Variants in ALG13 observed in about 807,000 individuals in gnomAD.
ALG13 encodes the protein UDP-N-acetylglucosamine transferase subunit ALG13.
A neutral mutation model predicts 87.8 loss-of-function variants in ALG13; 11 were observed. The ratio of observed to expected loss-of-function variants is 0.13; its 90% CI spans 0.08 to 0.21. The LOEUF is 0.21. ALG13 is among the 10% of genes least tolerant of loss of function. The pLI, the probability that ALG13 is intolerant of heterozygous loss-of-function variation, is 1.00. For missense variants in ALG13, 756 were observed against 866.1 expected, an observed-to-expected ratio of 0.87 and a Z score of 1.60; for synonymous variants, 320 against 306.3, an observed-to-expected ratio of 1.04 and a Z score of -0.47.
chrX:111,753,531 AATAG>A (rs778011839), intron 25 of ALG13, among the ~76,000 whole-genome samples: 83 of 112,172 alleles, frequency 7.4e-4, no homozygotes, highest in East Asian at 5.6e-4. Flanking sequence ...AGATTAACAA[AATAG>A]ATAGACCATT....
In ALG13 at chrX:111,727,267, A is replaced by G. The variant is rs1942170592; in HGVS notation, c.1977-65A>G. ...AAAGACAGATTAGTTCTATTTAACTACAGAGACTGACTACTTAGGTATTAG... is the reference window on the plus strand; with the variant it reads ...AAAGACAGATTAGTTCTATTTAACTGCAGAGACTGACTACTTAGGTATTAG... On this transcript the variant is annotated intron_variant, in intron 16 of 26. Transcript: ENST00000394780. The G allele has an allele frequency of 4.2e-6, 4 of 945,115 alleles. No individual in the cohort carries two copies. In the Admixed American group the frequency reaches 7.9e-5, roughly 19 times the overall value. The allele number at this position is 945,115 out of a possible 1,213,427, so 77.9% of individuals were successfully genotyped here. A position where few individuals can be genotyped will look rare whatever the true frequency, so the allele number is the denominator to read the frequency against.
At chrX:111,692,839 G>A (rs765329567) in intron 3 of ALG13, among the ~76,000 whole-genome samples, 20 of 111,278 alleles carry the variant, frequency 1.8e-4, no homozygotes, top group South Asian at 7.7e-4. Flanking sequence ...CTCTGTCACC[G>A]AGGCTGGAGT....
At chrX:111,704,521 A>G (rs1319610871) in intron 3 of ALG13, among the ~76,000 whole-genome samples, 5 of 112,181 alleles carry the variant, frequency 4.5e-5, no homozygotes, top group Non-Finnish European at 7.5e-5. Flanking sequence ...GTAGTGATGC[A>G]CCATGCTCCA....
rs1933287258 is a variant in ALG13 at position 111,681,656 on chromosome X, C to T, written c.81+357C>T. On this transcript the variant is annotated intron_variant, in intron 1 of 26. Transcript: ENST00000394780. ...AGCTCGGGTTTTCCACCGGGCTCGG[C>T]AGTTTTTCCTCAGGCCCCCCTGTGG... 4.4e-6 allele frequency: 4 copies of T among 903,191 alleles called. No individual in the cohort carries two copies. In the South Asian group the frequency reaches 1.0e-4, roughly 24 times the overall value. The allele number at this position is 903,191 out of a possible 1,213,427, so 74.4% of individuals were successfully genotyped here.
chrX:111,727,165 C>T, intron 16 of ALG13, 110 bp downstream of exon 16: 1 of 991,693 alleles, frequency 1.0e-6, no homozygotes, highest in Non-Finnish European at 1.4e-6. Flanking sequence ...GACATACAGA[C>T]TGTATTTCAT....
intron 3 of ALG13, among the ~76,000 whole-genome samples, chrX:111,702,123 T>G (rs1937990111): frequency 8.9e-6 from 1 of 112,153 alleles, no homozygotes; most frequent in Non-Finnish European, 1.9e-5. Flanking sequence ...CATGTGTGCA[T>G]AGCAAGAATG....
chrX:111,696,878 A>T (rs1415311547), intron 3 of ALG13, among the ~76,000 whole-genome samples: 1 of 110,355 alleles, frequency 9.1e-6, no homozygotes, highest in East Asian at 2.8e-4. Context: ...TTATACTTAG[A>T]TGTCAAAGGG....
At chrX:111,726,632 C>T (rs1244232678) in intron 15 of ALG13, among the ~76,000 whole-genome samples, 177 bp from the exon 16 acceptor site, 1 of 111,012 alleles carries the variant, frequency 9.0e-6, no homozygotes, top group Non-Finnish European at 1.9e-5. Context: ...TGGTTTTGTC[C>T]TTCCAAATAA....
At position 111,726,901 on chromosome X, in the gene ALG13, G is replaced by C. The variant is rs374870130; in HGVS notation, c.1822G>C (p.Asp608His). The C allele has an allele frequency of 3.2e-5, 39 of 1,209,302 alleles. No individual in the cohort carries two copies. The highest frequency in any genetic ancestry group is 4.4e-5 in the Non-Finnish European group (39 of 895,033). The change falls in exon 16 of 27, where the codon GAC becomes CAC. Residue 608 changes from aspartate to histidine, a missense_variant. This residue lies in a region of ALG13 where 362 missense variants were observed against 383.5 expected (regional missense o/e 0.94). Transcript: ENST00000394780. ...VYMTMAYGKG[D>H]PLLPPRLQHS... ...CATGACTATGGCTTACGGCAAGGGAGACCCCCTCCTCCCACCCAGGCTGCA... is the reference window on the plus strand; with the variant it reads ...CATGACTATGGCTTACGGCAAGGGACACCCCCTCCTCCCACCCAGGCTGCA...
At chrX:111,701,281 A>T (rs1937824775) in intron 3 of ALG13, among the ~76,000 whole-genome samples, 1 of 111,989 alleles carries the variant, frequency 8.9e-6, no homozygotes, top group African/African-American at 3.2e-5. Flanking sequence ...CTTAAGAAGG[A>T]TTGGTACTGG....
intron 19 of ALG13, among the ~76,000 whole-genome samples, chrX:111,729,530 C>A (rs1392647236): frequency 1.8e-5 from 2 of 111,241 alleles, no homozygotes; most frequent in East Asian, 2.8e-4. Context: ...TTTAGATGAC[C>A]CTTTTGTCTT....
At chrX:111,709,874 AC>A (rs1260165001) in intron 5 of ALG13, among the ~76,000 whole-genome samples, 1 of 111,119 alleles carries the variant, frequency 9.0e-6, no homozygotes, top group African/African-American at 3.3e-5. Flanking sequence ...TCTTCTCTAC[AC>A]CTGGGGAAAG....
rs772874617 is a variant in ALG13, at chrX:111,726,999, A to G, written c.1920A>G (p.Glu640=). ...SQTAGNVMSN[E]HFHPQHPSPR... is the part of the protein sequence containing the mutation. ...CAGCTGGCAATGTTATGTCTAATGA[A>G]CATTTTCATCCTCAGCATCCATCTC... The change falls in exon 16 of 27, where the codon GAA becomes GAG. Residue 640 remains glutamate (E), a synonymous_variant. Transcript: ENST00000394780. 8.3e-7 allele frequency: 1 copy of G among 1,211,371 alleles called. No homozygotes were observed.
intron 2 of ALG13, among the ~76,000 whole-genome samples, chrX:111,683,398 C>T (rs143132521): frequency 0.02 from 2,026 of 100,934 alleles, 55 homozygotes; most frequent in African/African-American, 0.071. Context: ...GATGCTATCT[C>T]GGCTCACTGC....
At chrX:111,715,290 T>G (rs1291018146) in intron 8 of ALG13, among the ~76,000 whole-genome samples, 3 of 111,939 alleles carry the variant, frequency 2.7e-5, no homozygotes, top group African/African-American at 9.8e-5. Context: ...TATGTCTGAT[T>G]TGGGAATTTA....
intron 24 of ALG13, among the ~76,000 whole-genome samples, chrX:111,747,659 G>T (rs1362968029): frequency 1.8e-5 from 2 of 111,068 alleles, no homozygotes; most frequent in African/African-American, 6.5e-5. Flanking sequence ...GCTAATTTTT[G>T]TATTTTTAGT....
At chrX:111,690,169 A>C in intron 3 of ALG13, 1 of 753,734 alleles carries the variant, frequency 1.3e-6, no homozygotes, top group Non-Finnish European at 1.6e-6. Flanking sequence ...AATGGTAACC[A>C]AAAGTCTGTT....
chrX:111,709,084 A>G, intron 5 of ALG13, 36 bp downstream of exon 5: 2 of 881,926 alleles, frequency 2.3e-6, no homozygotes, highest in Non-Finnish European at 3.1e-6. Context: ...GAACTGGTAG[A>G]GTGTGTAGCA....
At chrX:111,727,547 T>C (rs915127684) in intron 17 of ALG13, 67 bp from the exon 18 acceptor site, 4 of 1,118,192 alleles carry the variant, frequency 3.6e-6, no homozygotes, top group African/African-American at 3.7e-5. Context: ...TGAACTGTTA[T>C]TTAGAAATTA....
Sources: gnomAD v4.1 joint callset for allele counts (sites outside exome capture counted in the v4.1 genomes callset) on GRCh38, gnomAD v4.1.1 for gene constraint, gnomAD v4.1.1 regional missense constraint, MANE v1.5 for transcripts, NCBI Gene and HGNC (gene_info 2026-07-23, HGNC 2026-07-21) for gene names.